The following BAHCC1 variants were observed in gnomAD, a reference collection of about 807,000 sequenced individuals.
The protein encoded by BAHCC1 is BAH domain and coiled-coil containing 1.
A neutral mutation model predicts 88.2 loss-of-function variants in BAHCC1; 43 were observed. That is an observed-to-expected ratio of 0.49 (90% CI 0.38 to 0.63). The LOEUF (loss-of-function observed/expected upper bound fraction) is 0.63. BAHCC1 is among the 20% of genes least tolerant of loss of function. The pLI is 0.00. For missense variants in BAHCC1, 3,023 were observed against 1,654.8 expected, an observed-to-expected ratio of 1.83 and a Z score of -14.34; for synonymous variants, 1,510 against 745.5, an observed-to-expected ratio of 2.03 and a Z score of -16.71.
At chr17:81,456,114 G>C (rs927376352) in intron 15 of BAHCC1, 183 bp from the exon 16 acceptor site, 2 of 555,318 alleles carry the variant, frequency 3.6e-6, no homozygotes, top group Admixed American at 3.6e-5. Context: ...AGGCCGCAGC[G>C]TAGGCTCCAG....
chr17:81,429,836 A>G (rs918801488), intron 3 of BAHCC1, among the ~76,000 whole-genome samples: 19 of 152,130 alleles, frequency 1.2e-4, no homozygotes, highest in African/African-American at 4.3e-4. Context: ...GGGTAGCCCC[A>G]GGAACCCCCC....
At position 81,460,687 on chromosome 17, in the gene BAHCC1, C is replaced by T. The variant is rs531900568; in HGVS notation, c.6183C>T (p.Ser2061=). The T allele has an allele frequency of 3.9e-6, 3 of 773,132 alleles. No individual in the cohort carries two copies. The highest frequency in any genetic ancestry group is 3.5e-5 in the Admixed American group (2 of 57,824). 47.9% of individuals were successfully genotyped at this position (773,132 alleles called of 1,614,324 possible). The change falls in exon 25 of 28, where the codon TCC becomes TCT. Residue 2061 remains serine (S), a synonymous_variant. Transcript: ENST00000675386. ...CTTTGAAGACACCTGGGAAAAAATC[C>T]ATTAGCAAAGACAAAGCTGGTATTT... ...PEALKTPGKK[S]ISKDKAGKAE...
In BAHCC1 at chr17:81,459,061, G is replaced by A. The variant is rs781943780; in HGVS notation, c.5613G>A (p.Ser1871=). 7.9e-6 allele frequency: 6 copies of A among 762,202 alleles called. No homozygotes were observed. The highest frequency in any genetic ancestry group is 5.5e-5 in the South Asian group (4 of 72,330). 47.2% of individuals were successfully genotyped at this position (762,202 alleles called of 1,614,324 possible). ...SAEQSAALAR[S]CAIHKEDLRD... is the part of the protein sequence containing the mutation. Reference sequence around the variant, plus strand: ...GACACCTTGTGCCCACAGCGCGCTCGTGTGCCATCCACAAGGAGGACCTGC... The same window carrying A: ...GACACCTTGTGCCCACAGCGCGCTCATGTGCCATCCACAAGGAGGACCTGC... Residue 1871 remains serine, a synonymous_variant, in exon 21 of 28, where the codon TCG becomes TCA. Transcript: ENST00000675386.
At chr17:81,450,940 C>A (rs550704884) in intron 11 of BAHCC1, among the ~76,000 whole-genome samples, 1 of 152,182 alleles carries the variant, frequency 6.6e-6, no homozygotes, top group South Asian at 2.1e-4. Context: ...CTTGTCCCCT[C>A]CCTCTGCACT....
At chr17:81,427,753 A>G (rs2064217167) in intron 3 of BAHCC1, among the ~76,000 whole-genome samples, 1 of 152,138 alleles carries the variant, frequency 6.6e-6, no homozygotes, top group South Asian at 2.1e-4. Flanking sequence ...TGGCACGCAG[A>G]GAGGTAATTG....
rs1163706706 is a variant in BAHCC1, at chr17:81,466,234, A to C, written c.*2417A>C. ...ACAAAATGGACAAAAAAACACACAA[A>C]GGTTTTATGAACAGCAGACTCTATG... is the stretch of plus-strand genomic sequence containing the variant. On this transcript the variant is annotated 3_prime_UTR_variant, in exon 28 of 28. Transcript: ENST00000675386. 1 of 152,518 alleles carries C rather than the reference A, an allele frequency of 6.6e-6. No homozygotes were observed. Among genetic ancestry groups the C allele is most frequent in the Non-Finnish European group, 1.5e-5 (1 of 68,040 alleles). The allele number at this position is 152,518 out of a possible 1,614,324, so 9.4% of individuals were successfully genotyped here.
chr17:81,462,637 G>T, intron 26 of BAHCC1, 103 bp from the exon 27 acceptor site: 1 of 651,258 alleles, frequency 1.5e-6, no homozygotes, highest in South Asian at 1.7e-5. Context: ...CTCACACTCA[G>T]ACTCACACTC....
rs552329278 is a variant in BAHCC1 at position 81,420,673 on chromosome 17, A to G, written c.179-6127A>G. Among the ~76,000 whole-genome samples, 571 of 152,372 alleles carry G rather than the reference A, an allele frequency of 3.7e-3. 5 individuals carry two copies. The highest frequency in any genetic ancestry group is 0.013 in the African/African-American group (548 of 41,590). ...CTGAGGTGGCCCTGGAGCTGGGGCC[A>G]GAGCCCGGTCTGGATCTAGAGCTGC... On this transcript the variant is annotated intron_variant, in intron 2 of 27. Transcript: ENST00000675386.
At position 81,444,456 on chromosome 17, in the gene BAHCC1, C is replaced by T; in HGVS notation, c.2400C>T (p.Leu800=). Residue 800 remains leucine, a synonymous_variant, in exon 7 of 28, where the codon CTC becomes CTT. Coordinates refer to ENST00000675386, the MANE Select transcript of BAHCC1 (RefSeq NM_001377448.1). ...SSCPGDLAPH[L]MMQSGQLGGD... ...GCCCTGGGGACCTGGCCCCCCACCT[C>T]ATGATGCAGAGCGGCCAGCTGGGCG... 1 of 738,182 alleles carries T rather than the reference C, an allele frequency of 1.4e-6. No homozygotes were observed. Among genetic ancestry groups the T allele is most frequent in the Non-Finnish European group, 2.5e-6 (1 of 398,362 alleles). 45.7% of individuals were successfully genotyped at this position (738,182 alleles called of 1,614,324 possible).
rs1555658886 is a variant in BAHCC1 at position 81,460,599 on chromosome 17, C to T, written c.6095C>T (p.Ala2032Val). Residue 2032 changes from alanine to valine, a missense_variant, in exon 25 of 28, where the codon GCA (alanine) becomes GTA (valine). By Grantham distance (64) the Ala-to-Val change is moderately conservative. Coordinates refer to ENST00000675386, the MANE Select transcript of BAHCC1 (RefSeq NM_001377448.1). ...CRRTKKVSSE[A>V]PPPSEAATPS... The stretch of plus-strand genomic sequence containing the variant: ...AGGACCAAGAAGGTATCCAGTGAGG[C>T]ACCCCCGCCTAGTGAAGCCGCCACC... 3 of 769,490 alleles carry T rather than the reference C, an allele frequency of 3.9e-6. No homozygotes were observed. The highest frequency in any genetic ancestry group is 4.8e-6 in the Non-Finnish European group (2 of 413,346). The allele number at this position is 769,490 out of a possible 1,614,324, so 47.7% of individuals were successfully genotyped here.
rs782064438 is a variant in BAHCC1 at position 81,444,714 on chromosome 17, C to T, written c.2559C>T (p.Pro853=). The change falls in exon 8 of 28, where the codon CCC becomes CCT. Residue 853 remains proline, a synonymous_variant. Coordinates refer to ENST00000675386, the MANE Select transcript of BAHCC1 (RefSeq NM_001377448.1). ...ACCAGAACCTGCCCCCCGGCTTCCC[C>T]GCCTCCGTGGCTGGCCCTGTGCCCT... ...ALHQNLPPGF[P]ASVAGPVPSV... is the part of the protein sequence containing the mutation. 1.7e-5 allele frequency: 13 copies of T among 777,852 alleles called. No homozygotes were observed. Among genetic ancestry groups the T allele is most frequent in the South Asian group, 2.7e-5 (2 of 74,578 alleles). The allele number at this position is 777,852 out of a possible 1,614,324, so 48.2% of individuals were successfully genotyped here.
chr17:81,436,477 G>A (rs2042295748), intron 3 of BAHCC1, among the ~76,000 whole-genome samples: 1 of 152,194 alleles, frequency 6.6e-6, no homozygotes, highest in Admixed American at 6.5e-5. Flanking sequence ...ACAGACTTCT[G>A]TTTACCAAAA....
intron 2 of BAHCC1, among the ~76,000 whole-genome samples, chr17:81,418,810 C>CGCGCGTGTGTGTGTGTGTGT (rs71302047): frequency 6.8e-6 from 1 of 146,332 alleles, no homozygotes; most frequent in African/African-American, 2.6e-5. Context: ...TGTGTGTGTA[C>CGCGCGTGTGTGTGTGTGTGT]GTGTGTGTGT....
At chr17:81,412,074 G>A (rs369220865) in intron 2 of BAHCC1, among the ~76,000 whole-genome samples, 8 of 152,334 alleles carry the variant, frequency 5.3e-5, no homozygotes, top group African/African-American at 1.9e-4. Context: ...CAGGTCCCCC[G>A]TCCCTGGCCG....
At chr17:81,413,097 T>G (rs1555648076) in intron 2 of BAHCC1, 1 of 444,694 alleles carries the variant, frequency 2.2e-6, no homozygotes, top group Admixed American at 2.4e-5. Flanking sequence ...AACACCAGGG[T>G]CCAGGGTTAT....
chr17:81,451,441 C>T (rs2064632547), intron 11 of BAHCC1, among the ~76,000 whole-genome samples: 1 of 152,218 alleles, frequency 6.6e-6, no homozygotes, highest in Non-Finnish European at 1.5e-5. Context: ...CCCCGTGGGT[C>T]CTCCCAGCTG....
chr17:81,410,359 C>G (rs1555647659), intron 2 of BAHCC1, among the ~76,000 whole-genome samples: 2 of 152,234 alleles, frequency 1.3e-5, no homozygotes, highest in Admixed American at 6.5e-5. Context: ...CCTCTGTGTC[C>G]ATCGAGGGAT....
chr17:81,463,005 C>T lies in BAHCC1; in HGVS notation c.7620+29C>T, dbSNP rs376770884. On this transcript the variant is annotated intron_variant, in intron 27 of 27. Transcript: ENST00000675386. ...AGGCCCGGACAGGTGTGGGGCCCAG[C>T]CCCCCTCGGGGCCCCAGGGAGGGGA... 40 of 770,638 alleles carry T rather than the reference C, an allele frequency of 5.2e-5. No homozygotes were observed. In the African/African-American group the frequency reaches 5.9e-4, roughly 11 times the overall value. The allele number at this position is 770,638 out of a possible 1,614,324, so 47.7% of individuals were successfully genotyped here.
chr17:81,400,873 G>A (rs1391719772), intron 2 of BAHCC1: 1 of 154,200 alleles, frequency 6.5e-6, no homozygotes, highest in Admixed American at 6.5e-5. Flanking sequence ...CACGCCTGAA[G>A]CCCTAGAGGT....
Sources: gnomAD v4.1 joint callset for allele counts (sites outside exome capture counted in the v4.1 genomes callset) on GRCh38, gnomAD v4.1.1 for gene constraint, MANE v1.5 for transcripts, NCBI Gene and HGNC (gene_info 2026-07-23, HGNC 2026-07-21) for gene names.